Variants in GPC5 observed in about 807,000 individuals in gnomAD.
GPC5 encodes glypican 5.
A neutral mutation model predicts 53.9 loss-of-function variants in GPC5; 47 were observed. The ratio of observed to expected loss-of-function variants is 0.87; its 90% confidence interval spans 0.69 to 1.11. The LOEUF is 1.11. GPC5 is among the 50% of genes most tolerant of loss of function. The probability of loss-of-function intolerance (pLI) is 0.00; values close to 1 mark genes in which losing one functional copy is unlikely to be tolerated. For synonymous variants in GPC5, 286 were observed against 263.3 expected (o/e 1.09, Z -0.84); for missense variants, 748 against 713.1 (o/e 1.05, Z -0.56).
chr13:91,570,229 T>A (rs1406504967), intron 2 of GPC5, among the ~76,000 whole-genome samples: 2 of 152,304 alleles, frequency 1.3e-5, no homozygotes, highest in East Asian at 3.9e-4. Context: ...ATTATGCATT[T>A]AAAAATTTTC....
chr13:91,517,943 C>T (rs867232225), intron 2 of GPC5, among the ~76,000 whole-genome samples: 9 of 152,162 alleles, frequency 5.9e-5, no homozygotes, highest in African/African-American at 1.9e-4. Context: ...ATTACCTCCC[C>T]CGGGCCCCTC....
rs11842354 is a variant in GPC5, at chr13:92,154,969, A to C, written c.1561+9980A>C. Among the ~76,000 whole-genome samples the C allele has an allele frequency of 3.0e-3, 455 of 152,312 alleles. 5 individuals carry two copies. Among genetic ancestry groups the C allele is most frequent in the African/African-American group, 0.01 (433 of 41,580 alleles). On this transcript the variant is annotated intron_variant, in intron 7 of 7. Coordinates refer to ENST00000377067, the MANE Select transcript of GPC5 (RefSeq NM_004466.6). The stretch of plus-strand genomic sequence containing the variant: ...ACTAAAATTAGCTAAACATTTTTGT[A>C]TGTATTGTCTATTTTCTCTCCCCAT...
chr13:91,910,573 G>A (rs1318945370), intron 6 of GPC5, among the ~76,000 whole-genome samples: 1 of 152,134 alleles, frequency 6.6e-6, no homozygotes, highest in East Asian at 1.9e-4. Context: ...AAGTAAGTCA[G>A]CCATAATAGC....
At chr13:92,170,410 C>A (rs945119311) in intron 7 of GPC5, among the ~76,000 whole-genome samples, 14 of 104,122 alleles carry the variant, frequency 1.3e-4, no homozygotes, top group Non-Finnish European at 2.2e-4. Flanking sequence ...CTTTTTTTGT[C>A]TTTTCTTTGC....
intron 7 of GPC5, among the ~76,000 whole-genome samples, chr13:92,794,801 A>T (rs1876597817): frequency 6.6e-6 from 1 of 152,168 alleles, no homozygotes; most frequent in African/African-American, 2.4e-5. Context: ...CAAAGAGAAT[A>T]AAATATCTAG....
At chr13:91,996,834 A>C (rs923931451) in intron 6 of GPC5, among the ~76,000 whole-genome samples, 1 of 152,116 alleles carries the variant, frequency 6.6e-6, no homozygotes, top group African/African-American at 2.4e-5. Flanking sequence ...TTCATTGAGT[A>C]TTATGTTTAC....
intron 6 of GPC5, among the ~76,000 whole-genome samples, chr13:92,018,910 T>C (rs890199342): frequency 1.3e-5 from 2 of 152,152 alleles, no homozygotes; most frequent in Admixed American, 6.5e-5. Context: ...CTTTGATGCT[T>C]AAACTTAAAA....
intron 6 of GPC5, among the ~76,000 whole-genome samples, chr13:92,113,810 T>A (rs1328647722): frequency 1.3e-5 from 2 of 150,298 alleles, no homozygotes; most frequent in South Asian, 2.1e-4. Context: ...TTTAAATAAG[T>A]ATAAAGAAGA....
At chr13:92,563,874 C>T (rs1882779373) in intron 7 of GPC5, among the ~76,000 whole-genome samples, 1 of 152,012 alleles carries the variant, frequency 6.6e-6, no homozygotes, top group African/African-American at 2.4e-5. Flanking sequence ...ATTTATGCAA[C>T]ATATCACTTG....
At chr13:92,245,983 G>C (rs1480604525) in intron 7 of GPC5, among the ~76,000 whole-genome samples, 2 of 151,702 alleles carry the variant, frequency 1.3e-5, no homozygotes, top group Non-Finnish European at 2.9e-5. Context: ...TAGTATAAAG[G>C]GGTGAAAAGT....
intron 7 of GPC5, chr13:92,721,536 G>C (rs537817030): frequency 1.1e-4 from 17 of 151,982 alleles, no homozygotes; most frequent in Non-Finnish European, 2.4e-4. Flanking sequence ...AAACTCACCA[G>C]GATCCCTTGC....
chr13:92,076,267 A>G (rs2041251576), intron 6 of GPC5, among the ~76,000 whole-genome samples: 1 of 152,014 alleles, frequency 6.6e-6, no homozygotes, highest in Non-Finnish European at 1.5e-5. Context: ...TTTTTAGTAG[A>G]GACGGGGTTT....
chr13:92,675,136 T>C (rs1255857006), intron 7 of GPC5, among the ~76,000 whole-genome samples: 1 of 149,708 alleles, frequency 6.7e-6, no homozygotes, highest in African/African-American at 2.4e-5. Flanking sequence ...ATATCTGATA[T>C]ATATCTTTCA....
At chr13:91,485,441 C>T (rs770912339) in intron 2 of GPC5, among the ~76,000 whole-genome samples, 1 of 152,202 alleles carries the variant, frequency 6.6e-6, no homozygotes, top group Non-Finnish European at 1.5e-5. Flanking sequence ...TGGTCTCGAA[C>T]TCCTGACCTC....
intron 5 of GPC5, among the ~76,000 whole-genome samples, chr13:91,761,366 GT>G (rs1332871637): frequency 1.3e-5 from 2 of 151,724 alleles, no homozygotes; most frequent in Non-Finnish European, 2.9e-5. Context: ...AAATTGTGGG[GT>G]TTTTTTTCAC....
intron 2 of GPC5, among the ~76,000 whole-genome samples, chr13:91,662,769 G>C (rs187325786): frequency 7.8e-4 from 118 of 152,126 alleles, no homozygotes; most frequent in Admixed American, 5.8e-3. Context: ...TACTCCCATA[G>C]TATCTTCCTG....
intron 7 of GPC5, among the ~76,000 whole-genome samples, chr13:92,332,185 G>C (rs2043292425): frequency 6.6e-6 from 1 of 152,076 alleles, no homozygotes; most frequent in African/African-American, 2.4e-5. Context: ...CAGACCTTTT[G>C]GTTGAATACA....
chr13:92,218,348 T>C (rs955707572), intron 7 of GPC5, among the ~76,000 whole-genome samples: 1 of 152,214 alleles, frequency 6.6e-6, no homozygotes, highest in Non-Finnish European at 1.5e-5. Flanking sequence ...GTTTCCCTTT[T>C]GCTATTTTAT....
chr13:92,138,452 G>A (rs369396487), intron 6 of GPC5, among the ~76,000 whole-genome samples: 5 of 151,400 alleles, frequency 3.3e-5, no homozygotes, highest in South Asian at 4.2e-4. Context: ...CCCGGGAGGC[G>A]GAGGTTGCAG....
Sources: gnomAD v4.1 joint callset for allele counts (sites outside exome capture counted in the v4.1 genomes callset) on GRCh38, gnomAD v4.1.1 for gene constraint, MANE v1.5 for transcripts, NCBI Gene and HGNC (gene_info 2026-07-23, HGNC 2026-07-21) for gene names.